Variants in ARK2N observed in about 807,000 individuals in gnomAD.
The protein encoded by ARK2N is protein ARK2N.
the ARK2N span, chr18:46,216,285 AGTT>A: frequency 6.2e-7 from 1 of 1,613,956 alleles, no homozygotes; most frequent in Non-Finnish European, 8.5e-7. This position sits in a 1 kb window ranked among gnomAD's most constrained non-coding sequence, Gnocchi z 4.3. Flanking sequence ...CTGGTGCCAC[AGTT>A]GGGCGCAAGT....
chr18:46,210,391 C>T, the ARK2N span, among the ~76,000 whole-genome samples: 1 of 152,136 alleles, frequency 6.6e-6, no homozygotes. Flanking sequence ...GAGATAATAG[C>T]AATAGTAGTA....
chr18:46,200,645 G>C, the ARK2N span, among the ~76,000 whole-genome samples: 1 of 152,156 alleles, frequency 6.6e-6, no homozygotes. Context: ...CACAGGTAGG[G>C]CAGCTGAAGT....
At chr18:46,175,112 A>ACCCCCCCCCCCCCCCCCCCCC in the ARK2N span, among the ~76,000 whole-genome samples, 4 of 133,416 alleles carry the variant, frequency 3.0e-5, no homozygotes, top group Admixed American at 7.9e-5. Context: ...AAAATTGTCC[A>ACCCCCCCCCCCCCCCCCCCCC]CCCCCCCGCC....
At chr18:46,222,923 G>A in the ARK2N span, among the ~76,000 whole-genome samples, 4 of 152,262 alleles carry the variant, frequency 2.6e-5, no homozygotes, top group East Asian at 7.7e-4. Context: ...TCTTGGTGTT[G>A]TAAGTTCTGT....
At chr18:46,250,977 C>G in the ARK2N span, among the ~76,000 whole-genome samples, 1 of 152,144 alleles carries the variant, frequency 6.6e-6, no homozygotes, top group Non-Finnish European at 1.5e-5. Context: ...AGCCATGGTG[C>G]AATAGACTGC....
chr18:46,174,990 A>G, the ARK2N span, among the ~76,000 whole-genome samples: 1 of 152,202 alleles, frequency 6.6e-6, no homozygotes, highest in African/African-American at 2.4e-5. Flanking sequence ...AGTCTCCAAA[A>G]TAGACCGCTT....
At chr18:46,215,711 G>A in the ARK2N span, 1 of 587,824 alleles carries the variant, frequency 1.7e-6, no homozygotes, top group East Asian at 2.9e-5. Flanking sequence ...AAAGGCCTGT[G>A]TAATAGTAAG....
At chr18:46,181,672 G>T in the ARK2N span, among the ~76,000 whole-genome samples, 2 of 152,030 alleles carry the variant, frequency 1.3e-5, no homozygotes, top group African/African-American at 4.8e-5. Flanking sequence ...CCAAGATCGC[G>T]CCACTGCACT....
At chr18:46,227,253 T>C in the ARK2N span, among the ~76,000 whole-genome samples, 1 of 152,200 alleles carries the variant, frequency 6.6e-6, no homozygotes, top group South Asian at 2.1e-4. Context: ...AGGCGGTATA[T>C]TTAGAGTCGT....
At chr18:46,212,482 C>T in the ARK2N span, among the ~76,000 whole-genome samples, 13 of 152,090 alleles carry the variant, frequency 8.5e-5, no homozygotes, top group African/African-American at 2.9e-4. Flanking sequence ...ATTAAAATTG[C>T]GTGAGAACTG....
At chr18:46,262,994 A>C in the ARK2N span, 1 of 1,614,202 alleles carries the variant, frequency 6.2e-7, no homozygotes, top group South Asian at 1.1e-5. Flanking sequence ...TCGGGCACGC[A>C]GTATGTTAGC....
the ARK2N span, among the ~76,000 whole-genome samples, chr18:46,255,138 G>A: frequency 1.7e-4 from 26 of 152,302 alleles, no homozygotes; most frequent in African/African-American, 6.3e-4. Flanking sequence ...AGTATAGAGT[G>A]GAGATGAAAT....
At chr18:46,231,207 G>A in the ARK2N span, among the ~76,000 whole-genome samples, 1 of 152,128 alleles carries the variant, frequency 6.6e-6, no homozygotes, top group Non-Finnish European at 1.5e-5. Flanking sequence ...TTAAAAATTA[G>A]GAGTAGCATA....
chr18:46,238,797 A>G, the ARK2N span, among the ~76,000 whole-genome samples: 49 of 152,332 alleles, frequency 3.2e-4, no homozygotes, highest in Admixed American at 3.2e-3. Context: ...GACAATTGAC[A>G]CAATGGATAT....
chr18:46,179,743 A>C, the ARK2N span, among the ~76,000 whole-genome samples: 9 of 150,848 alleles, frequency 6.0e-5, no homozygotes, highest in Non-Finnish European at 1.3e-4. Flanking sequence ...CTCCTGCCTC[A>C]GCCTCCCGAG....
chr18:46,243,068 A>G, the ARK2N span, among the ~76,000 whole-genome samples: 1 of 152,136 alleles, frequency 6.6e-6, no homozygotes, highest in Non-Finnish European at 1.5e-5. Flanking sequence ...TATGAAGCTT[A>G]TTGGCTCTTT....
At chr18:46,240,808 C>T in the ARK2N span, among the ~76,000 whole-genome samples, 188 of 152,344 alleles carry the variant, frequency 1.2e-3, 1 homozygote, top group African/African-American at 4.0e-3. Flanking sequence ...AAAAAATCCA[C>T]TGCTGTTACC....
the ARK2N span, among the ~76,000 whole-genome samples, chr18:46,214,497 A>T: frequency 6.6e-6 from 1 of 152,220 alleles, no homozygotes; most frequent in Non-Finnish European, 1.5e-5. Flanking sequence ...TCCTTTAGTT[A>T]TAAGGTTAAT....
the ARK2N span, among the ~76,000 whole-genome samples, chr18:46,196,671 TAA>T: frequency 6.6e-6 from 1 of 152,230 alleles, no homozygotes; most frequent in South Asian, 2.1e-4. Flanking sequence ...ATATTAGCAA[TAA>T]ACGTTATCAT....
Sources: allele counts gnomAD v4.1 joint callset (sites outside exome capture counted in the v4.1 genomes callset), GRCh38; gene constraint gnomAD v4.1.1; non-coding constraint Gnocchi (gnomAD v3.1); transcripts MANE v1.5; gene names NCBI Gene and HGNC (gene_info 2026-07-23, HGNC 2026-07-21).